The following PRELID2 variants were observed in gnomAD, a reference collection of about 807,000 sequenced individuals.
PRELID2 encodes PRELI domain containing 2.
A neutral mutation model predicts 28.4 loss-of-function variants in PRELID2; 25 were observed. That is an observed-to-expected ratio of 0.88 (90% confidence interval 0.64 to 1.23). The LOEUF is 1.23. Among genes scored for constraint, PRELID2 ranks in the 50% most tolerant of loss-of-function variants. PRELID2 has a pLI of 0.00. For synonymous variants in PRELID2, 76 were observed against 71.6 expected, an observed-to-expected ratio of 1.06 and a Z score of -0.31; for missense variants, 201 against 214.4, an observed-to-expected ratio of 0.94 and a Z score of 0.39.
chr5:145,726,015 T>C (rs1417879273), intron 1 of PRELID2, among the ~76,000 whole-genome samples: 1 of 151,886 alleles, frequency 6.6e-6, no homozygotes, highest in Non-Finnish European at 1.5e-5. Flanking sequence ...AGACCCTGTG[T>C]CTACAAAAAA....
intron 1 of PRELID2, among the ~76,000 whole-genome samples, chr5:145,517,127 A>G (rs919458592): frequency 2.6e-5 from 4 of 152,194 alleles, no homozygotes; most frequent in African/African-American, 9.6e-5. Context: ...AAAAGCCAAA[A>G]TTGACAAATG....
At chr5:145,750,718 C>T (rs1420127951) in intron 1 of PRELID2, among the ~76,000 whole-genome samples, 1 of 152,172 alleles carries the variant, frequency 6.6e-6, no homozygotes, top group Non-Finnish European at 1.5e-5. Context: ...AACTGCCATA[C>T]AATTCCCATT....
the PRELID2 span, among the ~76,000 whole-genome samples, chr5:145,312,864 G>T: frequency 6.6e-6 from 1 of 151,900 alleles, no homozygotes; most frequent in East Asian, 1.9e-4. Flanking sequence ...ATTTCTTCTA[G>T]CTATATATAC....
chr5:145,256,290 A>G, the PRELID2 span, among the ~76,000 whole-genome samples: 1 of 151,904 alleles, frequency 6.6e-6, no homozygotes, highest in Non-Finnish European at 1.5e-5. Flanking sequence ...CCTGTTAAAC[A>G]TTTAGATTTA....
the PRELID2 span, chr5:145,229,049 C>T: frequency 0.022 from 34,567 of 1,595,946 alleles, 430 homozygotes; most frequent in Non-Finnish European, 0.026. Context: ...CCATCCAGTC[C>T]AGCGCACTGT....
chr5:145,769,702 C>G (rs1015142683), intron 5 of PRELID2, among the ~76,000 whole-genome samples: 4 of 152,184 alleles, frequency 2.6e-5, no homozygotes, highest in African/African-American at 9.7e-5. Context: ...GGAAATAACG[C>G]TTTCTTGTGG....
At chr5:145,554,216 G>A (rs1424735798) in intron 1 of PRELID2, among the ~76,000 whole-genome samples, 2 of 152,116 alleles carry the variant, frequency 1.3e-5, no homozygotes, top group Admixed American at 1.3e-4. Flanking sequence ...CCAACAACGA[G>A]GCTAGAACCC....
intron 1 of PRELID2, among the ~76,000 whole-genome samples, chr5:145,521,500 T>C (rs1190229149): frequency 6.6e-6 from 1 of 152,178 alleles, no homozygotes; most frequent in Non-Finnish European, 1.5e-5. Context: ...TTGTAAAATA[T>C]TCCCATTTTT....
intron 1 of PRELID2, among the ~76,000 whole-genome samples, chr5:145,585,882 G>A (rs1312079719): frequency 6.6e-6 from 1 of 152,072 alleles, no homozygotes; most frequent in African/African-American, 2.4e-5. Flanking sequence ...TACACCACAT[G>A]TGTGGACCCC....
intron 1 of PRELID2, among the ~76,000 whole-genome samples, chr5:145,667,970 T>A (rs1434318769): frequency 6.6e-6 from 1 of 152,054 alleles, no homozygotes; most frequent in East Asian, 1.9e-4. Flanking sequence ...AAACAAGTAT[T>A]TCAGGCTTGA....
intron 1 of PRELID2, among the ~76,000 whole-genome samples, chr5:145,566,518 C>G (rs2126698816): frequency 6.6e-6 from 1 of 152,082 alleles, no homozygotes; most frequent in Middle Eastern, 3.4e-3. Flanking sequence ...AGAAAAGATA[C>G]AAGGAGAATA....
chr5:145,291,533 A>G, the PRELID2 span, among the ~76,000 whole-genome samples: 1 of 152,066 alleles, frequency 6.6e-6, no homozygotes, highest in Non-Finnish European at 1.5e-5. Flanking sequence ...TTGAACTGCT[A>G]GCCTCCAAAA....
intron 1 of PRELID2, among the ~76,000 whole-genome samples, chr5:145,743,458 A>G (rs566242191): frequency 5.3e-4 from 80 of 151,790 alleles, no homozygotes; most frequent in Middle Eastern, 3.4e-3. Context: ...GGAAACAACC[A>G]TAATAGGCAT....
chr5:145,278,048 T>C, the PRELID2 span, among the ~76,000 whole-genome samples: 2 of 152,162 alleles, frequency 1.3e-5, no homozygotes, highest in African/African-American at 2.4e-5. Context: ...TCCAGAACCA[T>C]ATATTTACAG....
the PRELID2 span, among the ~76,000 whole-genome samples, chr5:145,352,707 G>A: frequency 6.6e-6 from 1 of 152,096 alleles, no homozygotes; most frequent in African/African-American, 2.4e-5. Flanking sequence ...TCTTCAGGCT[G>A]CAAATTTTCC....
the PRELID2 span, among the ~76,000 whole-genome samples, chr5:145,431,968 A>T: frequency 6.6e-6 from 1 of 152,216 alleles, no homozygotes; most frequent in South Asian, 2.1e-4. Context: ...GAGATAAATT[A>T]TAAGAAGTCA....
the PRELID2 span, among the ~76,000 whole-genome samples, chr5:145,464,635 T>C: frequency 6.6e-6 from 1 of 152,156 alleles, no homozygotes; most frequent in Admixed American, 6.6e-5. Flanking sequence ...AAGACAGAGA[T>C]ATATGGATGT....
chr5:145,497,437 G>A (rs1752318936), intron 1 of PRELID2, among the ~76,000 whole-genome samples: 1 of 151,984 alleles, frequency 6.6e-6, no homozygotes, highest in African/African-American at 2.4e-5. Flanking sequence ...TTTCCTTTGT[G>A]CCTTCCAATA....
chr5:145,776,296 G>C (rs140575374), intron 5 of PRELID2, among the ~76,000 whole-genome samples: 6 of 152,316 alleles, frequency 3.9e-5, no homozygotes, highest in African/African-American at 1.4e-4. Context: ...AGCCCTCTGA[G>C]CTCTCAGATC....
Sources: gnomAD v4.1 joint callset for allele counts (sites outside exome capture counted in the v4.1 genomes callset) on GRCh38, gnomAD v4.1.1 for gene constraint, MANE v1.5 for transcripts, NCBI Gene and HGNC (gene_info 2026-07-23, HGNC 2026-07-21) for gene names.